Variants in PPP1R12C observed in about 807,000 individuals in gnomAD.
PPP1R12C encodes the protein leukocyte receptor cluster (LRC) encoded novel gene 3.
A neutral mutation model predicts 95.6 loss-of-function variants in PPP1R12C; 48 were observed. The ratio of observed to expected loss-of-function variants is 0.50; its 90% CI spans 0.40 to 0.64. PPP1R12C has a LOEUF of 0.64. Among genes scored for constraint, PPP1R12C ranks in the 30% least tolerant of loss-of-function variants. The pLI, the probability that PPP1R12C is intolerant of heterozygous loss-of-function variation, is 0.00. For missense variants in PPP1R12C, 1,057 were observed against 1,083.3 expected (o/e 0.98, Z 0.34); for synonymous variants, 480 against 460.8 (o/e 1.04, Z -0.53).
rs768901309 is a variant in PPP1R12C, at chr19:55,092,791, G to T, written c.1903C>A (p.Pro635Thr). The T allele has an allele frequency of 2.1e-5, 33 of 1,557,264 alleles. No individual in the cohort carries two copies. Among genetic ancestry groups the T allele is most frequent in the Admixed American group, 3.9e-5 (2 of 51,720 alleles). Residue 635 changes from proline to threonine, a missense_variant, in exon 16 of 22, where the codon CCT (proline) becomes ACT (threonine). By Grantham distance (38) the Pro-to-Thr change is conservative. Transcript: ENST00000263433. ...HRKVGKEWRGPAEGEEAEPAD... is the reference protein window; with the variant it reads ...HRKVGKEWRGTAEGEEAEPAD... ...CCACCTGAGCCCCTCACCTCCGCAGGCCCCCTCCACTCCTTTCCGACCTTG... is the reference window on the plus strand; with the variant it reads ...CCACCTGAGCCCCTCACCTCCGCAGTCCCCCTCCACTCCTTTCCGACCTTG...
At position 55,117,394 on chromosome 19, in the gene PPP1R12C, C is replaced by G; in HGVS notation, c.150G>C (p.Glu50Asp). The G allele has an allele frequency of 9.4e-7, 1 of 1,062,644 alleles. No homozygotes were observed. The highest frequency in any genetic ancestry group is 1.1e-6 in the Non-Finnish European group (1 of 881,944). 65.8% of individuals were successfully genotyped at this position (1,062,644 alleles called of 1,614,324 possible). ...AGGCCGCCAGGAACTCGGCGGCGCG[C>G]TCGAAGCGGACGGTGCGGGCGCGGC... Reference protein sequence around the residue: ...GERRARTVRFERAAEFLAACA... With the variant: ...GERRARTVRFDRAAEFLAACA... Residue 50 changes from glutamate (E) to aspartate (D), a missense_variant, in exon 1 of 22, where the codon GAG becomes GAC. This residue lies in a region of PPP1R12C where 282 missense variants were observed against 380.4 expected (regional missense o/e 0.74). Transcript: ENST00000263433.
chr19:55,117,495 C>T lies in PPP1R12C; in HGVS notation c.49G>A (p.Ala17Thr), dbSNP rs1480107325. ...TGCTCCCGTCGCCGCTCCCGGGCAG[C>T]CGCCGCCGCCGCCCCCGGGCCAGCC... is the stretch of plus-strand genomic sequence containing the variant. ...PAAGPGAAAA[A>T]ARERRREQLR... Residue 17 changes from alanine to threonine, a missense_variant, in exon 1 of 22, where the codon GCT (alanine) becomes ACT (threonine). By Grantham distance (58) the Ala-to-Thr change is moderately conservative (BLOSUM62 0). Around this residue, in one of 5 missense-constraint regions of PPP1R12C, gnomAD observed 70 missense variants for 47.8 expected, o/e 1.46. Transcript: ENST00000263433. 9.8e-7 allele frequency: 1 copy of T among 1,020,478 alleles called. No individual in the cohort carries two copies. The highest frequency in any genetic ancestry group is 1.2e-6 in the Non-Finnish European group (1 of 853,140). The allele number at this position is 1,020,478 out of a possible 1,614,324, so 63.2% of individuals were successfully genotyped here. A position where few individuals can be genotyped will look rare whatever the true frequency, so the allele number is the denominator to read the frequency against.
At position 55,096,325 on chromosome 19, in the gene PPP1R12C, T is replaced by A. The variant is rs759156073; in HGVS notation, c.962A>T (p.Gln321Leu). ...GCCCCGGCTCTGGGAAGCTTCTTTT[T>A]GGTTCCGAAGCTGCAAGGAGGGAAG... ...LARKQEDLRN[Q>L]KEASQSRGQE... is the part of the protein sequence containing the mutation. Residue 321 changes from glutamine to leucine, a missense_variant, in exon 7 of 22, where the codon CAA becomes CTA. Physicochemically the swap from Gln to Leu is moderately radical, Grantham distance 113. This residue lies in a region of PPP1R12C where 356 missense variants were observed against 330.5 expected (regional missense o/e 1.08). Coordinates refer to ENST00000263433, the MANE Select transcript of PPP1R12C (RefSeq NM_017607.4). 3.1e-6 allele frequency: 5 copies of A among 1,613,404 alleles called. No individual in the cohort carries two copies. Among genetic ancestry groups the A allele is most frequent in the Non-Finnish European group, 4.2e-6 (5 of 1,179,840 alleles).
At chr19:55,092,591 G>T in intron 17 of PPP1R12C, 31 bp downstream of exon 17, 1 of 1,551,630 alleles carries the variant, frequency 6.4e-7, no homozygotes, top group Non-Finnish European at 8.7e-7. Flanking sequence ...CGGCCCGCAC[G>T]CAGACCCCAC....
chr19:55,107,935 CT>C (rs34454787), intron 3 of PPP1R12C, among the ~76,000 whole-genome samples: 238 of 134,692 alleles, frequency 1.8e-3, no homozygotes, highest in Admixed American at 2.6e-3. Context: ...AATTTACCAT[CT>C]TTTTTTTTTT....
In PPP1R12C at chr19:55,117,481, C is replaced by T; in HGVS notation, c.63G>A (p.Arg21=). ...PGAAAAAARE[R]RREQLRQWGA... Reference sequence around the variant, plus strand: ...CCCACTGCCGCAGCTGCTCCCGTCGCCGCTCCCGGGCAGCCGCCGCCGCCG... The same window carrying T: ...CCCACTGCCGCAGCTGCTCCCGTCGTCGCTCCCGGGCAGCCGCCGCCGCCG... The change falls in exon 1 of 22, where the codon CGG becomes CGA. Residue 21 remains arginine, a synonymous_variant. Coordinates refer to ENST00000263433, the MANE Select transcript of PPP1R12C (RefSeq NM_017607.4). The T allele has an allele frequency of 2.0e-6, 2 of 1,022,090 alleles. No individual in the cohort carries two copies. The highest frequency in any genetic ancestry group is 2.3e-6 in the Non-Finnish European group (2 of 855,272). 63.3% of individuals were successfully genotyped at this position (1,022,090 alleles called of 1,614,324 possible).
rs2084900684 is a variant in PPP1R12C, at chr19:55,095,520, C to T, written c.1311G>A (p.Arg437=). 1.3e-6 allele frequency: 2 copies of T among 1,584,326 alleles called. No individual in the cohort carries two copies. Among genetic ancestry groups the T allele is most frequent in the East Asian group, 2.3e-5 (1 of 43,550 alleles). ...SSGALGPPER[R]TAEGAPGAGL... is the part of the protein sequence containing the mutation. The stretch of plus-strand genomic sequence containing the variant: ...CAGCCCCAGGGGCTCCCTCCGCTGT[C>T]CGCCTTTCAGGGGGACCCAGGGCAC... Residue 437 remains arginine (R), a synonymous_variant, in exon 10 of 22, where the codon CGG becomes CGA. Transcript: ENST00000263433.
intron 11 of PPP1R12C, chr19:55,095,082 C>CG: frequency 1.4e-6 from 1 of 700,352 alleles, no homozygotes; most frequent in Non-Finnish European, 2.4e-6. Flanking sequence ...GTGTGCACCT[C>CG]GGGGTGGGGG....
At position 55,103,570 on chromosome 19, in the gene PPP1R12C, TAGGA is replaced by T. The variant is rs757912272; in HGVS notation, c.572-6_572-3del. On this transcript the variant is annotated splice_polypyrimidine_tract_variant and splice_region_variant and intron_variant, in intron 3 of 21. Coordinates refer to ENST00000263433, the MANE Select transcript of PPP1R12C (RefSeq NM_017607.4). ...GCTTGGCTGCTTCCACATCCACACC[TAGGA>T]GGATAAGAGGCACGAGGTAGGACTC... The T allele has an allele frequency of 8.3e-6, 13 of 1,567,818 alleles. No homozygotes were observed. In the African/African-American group the frequency reaches 1.8e-4, roughly 21 times the overall value.
chr19:55,104,780 C>CAT lies in PPP1R12C; in HGVS notation c.572-1214_572-1213dup, dbSNP rs140765784. Among the ~76,000 whole-genome samples, 1,206 of 145,706 alleles carry CAT rather than the reference C, an allele frequency of 8.3e-3. 13 individuals are homozygous for CAT. The highest frequency in any genetic ancestry group is 0.017 in the African/African-American group (665 of 39,686). On this transcript the variant is annotated intron_variant, in intron 3 of 21. Coordinates refer to ENST00000263433, the MANE Select transcript of PPP1R12C (RefSeq NM_017607.4). Reference sequence around the variant, plus strand: ...TGGATTTGCTCAGTAAACTTTAGGCCATATATATATATATATGGTCTCGCT... The same window carrying CAT: ...TGGATTTGCTCAGTAAACTTTAGGCCATATATATATATATATATGGTCTCGCT...
intron 4 of PPP1R12C, among the ~76,000 whole-genome samples, chr19:55,101,280 A>C (rs1194452083): frequency 6.6e-6 from 1 of 152,194 alleles, no homozygotes; most frequent in Non-Finnish European, 1.5e-5. Context: ...TGCAGTCAGT[A>C]GGTCTGAGTG....
Position 55,092,439 on chromosome 19 carries a change from C to T in PPP1R12C, c.2055+3G>A, listed in dbSNP as rs755444153. On this transcript the variant is annotated splice_donor_region_variant and intron_variant, in intron 18 of 21. Coordinates refer to ENST00000263433, the MANE Select transcript of PPP1R12C (RefSeq NM_017607.4). Reference sequence around the variant, plus strand: ...AAGCCCCGACGGAGGGGTGGGATCGCACCGTCCTAAAGCCTCCGTCTGGCT... The same window carrying T: ...AAGCCCCGACGGAGGGGTGGGATCGTACCGTCCTAAAGCCTCCGTCTGGCT... The T allele has an allele frequency of 1.2e-5, 19 of 1,605,406 alleles. No individual in the cohort carries two copies. The East Asian group carries it at 3.8e-4, about 32-fold the overall frequency.
intron 19 of PPP1R12C, 134 bp downstream of exon 19, chr19:55,092,088 C>T (rs2084849137): frequency 3.6e-6 from 4 of 1,098,670 alleles, no homozygotes; most frequent in East Asian, 5.2e-5. Context: ...ACTCCGCCTC[C>T]GAGATCTCGG....
chr19:55,117,604 GC>G lies in PPP1R12C; in HGVS notation c.-62del. Reference sequence around the variant, plus strand: ...CGAGCCCCAACCGCCGCCACCACCCGCCCGCCCGCCCGCCCCGGGGGCCGCC... The same window carrying G: ...CGAGCCCCAACCGCCGCCACCACCCGCCGCCCGCCCGCCCCGGGGGCCGCC... On this transcript the variant is annotated 5_prime_UTR_variant, in exon 1 of 22. Transcript: ENST00000263433. The G allele has an allele frequency of 2.2e-5, 17 of 790,426 alleles. No individual in the cohort carries two copies. The highest frequency in any genetic ancestry group is 2.4e-5 in the Non-Finnish European group (17 of 698,430). 49.0% of individuals were successfully genotyped at this position (790,426 alleles called of 1,614,324 possible).
chr19:55,095,475 G>T lies in PPP1R12C; in HGVS notation c.1356C>A (p.Ser452=), dbSNP rs1244509284. 2 of 1,564,342 alleles carry T rather than the reference G, an allele frequency of 1.3e-6. No individual in the cohort carries two copies. Among genetic ancestry groups the T allele is most frequent in the East Asian group, 2.4e-5 (1 of 41,972 alleles). Residue 452 remains serine, a synonymous_variant, in exon 10 of 22, where the codon TCC becomes TCA. Transcript: ENST00000263433. ...TGGAGGTCCCTTCCAGCCAGGAGGA[G>T]GAAGCCGAGCGCTGCAGCCCAGCCC... ...APGAGLQRSA[S]SSWLEGTSTQ...
At chr19:55,103,973 A>C (rs1327656405) in intron 3 of PPP1R12C, among the ~76,000 whole-genome samples, 1 of 144,518 alleles carries the variant, frequency 6.9e-6, no homozygotes, top group Non-Finnish European at 1.5e-5. Context: ...AACACAGTGA[A>C]ACCCCATCTC....
At chr19:55,103,615 A>C in intron 3 of PPP1R12C, 47 bp from the exon 4 acceptor site, 1 of 1,481,754 alleles carries the variant, frequency 6.7e-7, no homozygotes, top group African/African-American at 1.4e-5. Flanking sequence ...CCATGACCTG[A>C]AATACCCAGG....
intron 3 of PPP1R12C, among the ~76,000 whole-genome samples, chr19:55,105,445 T>C (rs2085027974): frequency 6.6e-6 from 1 of 151,930 alleles, no homozygotes; most frequent in African/African-American, 2.4e-5. Context: ...CAGAAAGCTA[T>C]AGCTTGTGGG....
chr19:55,115,160 G>A (rs1406114555), intron 1 of PPP1R12C: 1 of 152,256 alleles, frequency 6.6e-6, no homozygotes, highest in Non-Finnish European at 1.5e-5. Flanking sequence ...GAAAGAGAAA[G>A]GGAGTAGAGG....
Sources: gnomAD v4.1 joint callset for allele counts (sites outside exome capture counted in the v4.1 genomes callset) on GRCh38, gnomAD v4.1.1 for gene constraint, gnomAD v4.1.1 regional missense constraint, MANE v1.5 for transcripts, NCBI Gene and HGNC (gene_info 2026-07-23, HGNC 2026-07-21) for gene names.